DST: variants seen among roughly 807,000 people sequenced by gnomAD.
DST encodes bullous pemphigoid antigen.
DST carries 253 observed loss-of-function variants against 875.2 expected under a neutral mutation model. The ratio of observed to expected loss-of-function variants is 0.29; its 90% CI spans 0.26 to 0.32. The LOEUF is 0.32. Among genes scored for constraint, DST ranks in the 10% least tolerant of loss-of-function variants. The pLI is 1.00. For synonymous variants in DST, 3,124 were observed against 3,197.1 expected (o/e 0.98, Z 0.77); for missense variants, 8,287 against 9,111.6 (o/e 0.91, Z 3.68).
chr6:56,592,447 C>T (rs1023360191), intron 48 of DST, 89 bp from the exon 49 acceptor site: 2 of 1,112,148 alleles, frequency 1.8e-6, no homozygotes, highest in Non-Finnish European at 2.5e-6. Context: ...AAATATGTAA[C>T]TTGGAAAAAA....
At chr6:56,616,950 C>T (rs924951926) in intron 36 of DST, 1 of 1,604,126 alleles carries the variant, frequency 6.2e-7, no homozygotes, top group African/African-American at 1.3e-5. Context: ...GCAGCCTGAG[C>T]TTCTAAAAAT....
At chr6:56,920,700 G>A (rs1803638539) in intron 2 of DST, among the ~76,000 whole-genome samples, 1 of 150,176 alleles carries the variant, frequency 6.7e-6, no homozygotes, top group South Asian at 2.1e-4. Flanking sequence ...GCCATCAACA[G>A]CGGTTTTTCT....
intron 2 of DST, among the ~76,000 whole-genome samples, chr6:56,928,852 T>C (rs1416661341): frequency 2.0e-5 from 3 of 151,968 alleles, no homozygotes; most frequent in Non-Finnish European, 2.9e-5. Flanking sequence ...CTAGATATAC[T>C]TTTACAAGAA....
chr6:56,642,896 T>C, intron 15 of DST: 1 of 1,576,658 alleles, frequency 6.3e-7, no homozygotes, highest in South Asian at 1.1e-5. Flanking sequence ...AGCTGAATAT[T>C]ACAGCTTTTA....
intron 4 of DST, among the ~76,000 whole-genome samples, chr6:56,805,897 A>C (rs1180186968): frequency 1.3e-5 from 2 of 152,238 alleles, no homozygotes; most frequent in Admixed American, 6.5e-5. Flanking sequence ...ACTCTTTCTG[A>C]AGTTAAATCA....
chr6:56,754,192 T>C (rs2099595991), intron 4 of DST, among the ~76,000 whole-genome samples: 1 of 152,208 alleles, frequency 6.6e-6, no homozygotes, highest in Non-Finnish European at 1.5e-5. Context: ...AAGTAACTTA[T>C]TTATAAAGTA....
intron 4 of DST, among the ~76,000 whole-genome samples, chr6:56,797,629 G>C (rs2099741545): frequency 6.6e-6 from 1 of 152,004 alleles, no homozygotes; most frequent in African/African-American, 2.4e-5. Context: ...AGGTCAGGAG[G>C]CCAACATGGC....
intron 9 of DST, among the ~76,000 whole-genome samples, chr6:56,671,941 C>T (rs1046540326): frequency 1.3e-5 from 2 of 152,198 alleles, no homozygotes; most frequent in African/African-American, 2.4e-5. Context: ...ACTTCCTTAT[C>T]TATAAAATGA....
intron 4 of DST, among the ~76,000 whole-genome samples, chr6:56,824,848 C>A (rs6930172): frequency 1.3e-5 from 2 of 150,024 alleles, no homozygotes; most frequent in African/African-American, 4.9e-5. Flanking sequence ...GTCTCCGCCC[C>A]GCAGCCACCC....
rs58251502 is a variant in DST at position 56,593,516 on chromosome 6, C to CAAAAAAAAAAAAA, written c.12726+134_12726+146dup. On this transcript the variant is annotated intron_variant, in intron 48 of 103. Coordinates refer to ENST00000680361, the MANE Select transcript of DST (RefSeq NM_001374736.1). Reference sequence around the variant, plus strand: ...TGGGCGACAGAGTGAGACTCCTTCTCAAAAAAAAAAAAAAAAATAGAAGTA... The same window carrying CAAAAAAAAAAAAA: ...TGGGCGACAGAGTGAGACTCCTTCTCAAAAAAAAAAAAAAAAAAAAAAAAAAAAAATAGAAGTA... 468 of 318,954 alleles carry CAAAAAAAAAAAAA rather than the reference C, an allele frequency of 1.5e-3. 7 individuals are homozygous for CAAAAAAAAAAAAA. Among genetic ancestry groups the CAAAAAAAAAAAAA allele is most frequent in the African/African-American group, 9.1e-3 (234 of 25,676 alleles). 19.8% of individuals were successfully genotyped at this position (318,954 alleles called of 1,614,324 possible).
rs771285802 is a variant in DST at position 56,601,544 on chromosome 6, T to C, written c.11440A>G (p.Thr3814Ala). ...ACATCAAGAAAACACTTCTGAGTTG[T>C]ATTTAAGAGCCTCAGCAGTTGTTTG... Reference protein sequence around the residue: ...QSKQLLRLLNTTQKCFLDVQE... With the variant: ...QSKQLLRLLNATQKCFLDVQE... Residue 3814 changes from threonine (T) to alanine (A), a missense_variant, in exon 44 of 104, where the codon ACA becomes GCA. By Grantham distance (58) the Thr-to-Ala change is moderately conservative. This residue lies in a region of DST where 3,138 missense variants were observed against 3,116.6 expected (regional missense o/e 1.01). Coordinates refer to ENST00000680361, the MANE Select transcript of DST (RefSeq NM_001374736.1). 1.4e-5 allele frequency: 23 copies of C among 1,605,316 alleles called. No homozygotes were observed. The highest frequency in any genetic ancestry group is 2.0e-5 in the Non-Finnish European group (23 of 1,176,078).
intron 7 of DST, 76 bp from the exon 8 acceptor site, chr6:56,702,041 T>A (rs1588882129): frequency 1.2e-6 from 1 of 868,896 alleles, no homozygotes; most frequent in East Asian, 2.5e-5. Flanking sequence ...ATAATTTCTG[T>A]TCATCTTAAT....
intron 2 of DST, among the ~76,000 whole-genome samples, chr6:56,908,786 G>A (rs1479810195): frequency 6.6e-6 from 1 of 152,086 alleles, no homozygotes; most frequent in African/African-American, 2.4e-5. Flanking sequence ...AACCAATATG[G>A]CAATGAGAGT....
intron 64 of DST, among the ~76,000 whole-genome samples, 198 bp from the exon 65 acceptor site, chr6:56,530,331 C>G (rs2096873679): frequency 6.6e-6 from 1 of 152,138 alleles, no homozygotes; most frequent in Non-Finnish European, 1.5e-5. Flanking sequence ...AACAACAGAT[C>G]ATCCTCAAGT....
Position 56,917,003 on chromosome 6 carries a change from A to AC in DST, c.217-16383_217-16382insG, listed in dbSNP as rs1562394948. Among the ~76,000 whole-genome samples, 3 of 143,498 alleles carry AC rather than the reference A, an allele frequency of 2.1e-5. No homozygotes were observed. The East Asian group carries it at 6.2e-4, about 30-fold the overall frequency. The allele number at this position is 143,498 out of a possible 152,430, so 94.1% of individuals were successfully genotyped here. A position where few individuals can be genotyped will look rare whatever the true frequency, so the allele number is the denominator to read the frequency against. On this transcript the variant is annotated intron_variant, in intron 2 of 103. Transcript: ENST00000680361. Reference sequence around the variant, plus strand: ...CAGGCATGCTAAAAAAAAAAAAAAAAAAAAAAAAAAAAAAGACAGGCAGAG... The same window carrying AC: ...CAGGCATGCTAAAAAAAAAAAAAAAACAAAAAAAAAAAAAAGACAGGCAGAG...
chr6:56,606,140 T>C lies in DST; in HGVS notation c.8488A>G (p.Asn2830Asp). ...TGGATATCCATATCTTCAGCCACATTTTGGCACCTGGGCTTTCCATTCTCA... is the reference window on the plus strand; with the variant it reads ...TGGATATCCATATCTTCAGCCACATCTTGGCACCTGGGCTTTCCATTCTCA... Reference protein sequence around the residue: ...RDENGKPRCQNVAEDMDIQLC... With the variant: ...RDENGKPRCQDVAEDMDIQLC... Residue 2830 changes from asparagine to aspartate, a missense_variant, in exon 40 of 104, where the codon AAT becomes GAT. Coordinates refer to ENST00000680361, the MANE Select transcript of DST (RefSeq NM_001374736.1). 1 of 1,611,918 alleles carries C rather than the reference T, an allele frequency of 6.2e-7. No individual in the cohort carries two copies. The highest frequency in any genetic ancestry group is 8.5e-7 in the Non-Finnish European group (1 of 1,178,692).
At chr6:56,657,067 T>C (rs1013777140) in intron 10 of DST, among the ~76,000 whole-genome samples, 2 of 152,166 alleles carry the variant, frequency 1.3e-5, no homozygotes, top group African/African-American at 4.8e-5. Flanking sequence ...GTGATTCGTA[T>C]CAGGCAAGTT....
chr6:56,703,716 G>C lies in DST; in HGVS notation c.808C>G (p.Arg270Gly). ...CATGCTTCTGTTGCACTCACCAATC[G>C]TAAGGTCTTCAAAAAATCTCGCTCC... ...PRERDFLKTL[R>G]LVSATEACEY... is the part of the protein sequence containing the mutation. Residue 270 changes from arginine (R) to glycine (G), a missense_variant, in exon 7 of 104, where the codon CGA becomes GGA. This residue lies in a region of DST where 1,160 missense variants were observed against 1,424.3 expected (regional missense o/e 0.81). Transcript: ENST00000680361. The C allele has an allele frequency of 1.0e-6, 1 of 985,092 alleles. No homozygotes were observed. Among genetic ancestry groups the C allele is most frequent in the Non-Finnish European group, 1.2e-6 (1 of 829,802 alleles). The allele number at this position is 985,092 out of a possible 1,614,324, so 61.0% of individuals were successfully genotyped here. A position where few individuals can be genotyped will look rare whatever the true frequency, so the allele number is the denominator to read the frequency against.
In DST at chr6:56,481,988, A is replaced by C. The variant is rs537680031; in HGVS notation, c.21531+62T>G. On this transcript the variant is annotated intron_variant, in intron 90 of 103. Coordinates refer to ENST00000680361, the MANE Select transcript of DST (RefSeq NM_001374736.1). ...CATGCAGTTGATATTTGTAATCCCG[A>C]GTCTATTTTCCCTGCTTTGATTTTC... 48 of 1,533,210 alleles carry C rather than the reference A, an allele frequency of 3.1e-5. No individual in the cohort carries two copies. In the South Asian group the frequency reaches 4.9e-4, roughly 16 times the overall value. 95.0% of individuals were successfully genotyped at this position (1,533,210 alleles called of 1,614,324 possible).
Sources: gnomAD v4.1 joint callset for allele counts (sites outside exome capture counted in the v4.1 genomes callset) on GRCh38, gnomAD v4.1.1 for gene constraint, gnomAD v4.1.1 regional missense constraint, MANE v1.5 for transcripts, NCBI Gene and HGNC (gene_info 2026-07-23, HGNC 2026-07-21) for gene names.